Variants in SEMA6D observed in about 807,000 individuals in gnomAD.
The protein encoded by SEMA6D is semaphorin 6D, also known as semaphorin-6D.
SEMA6D carries 35 observed loss-of-function variants against 106.6 expected under a neutral mutation model. The ratio of observed to expected loss-of-function variants is 0.33; its 90% confidence interval spans 0.25 to 0.44. SEMA6D has a LOEUF of 0.44. Among genes scored for constraint, SEMA6D ranks in the 20% least tolerant of loss-of-function variants. SEMA6D has a pLI of 1.00. For missense variants in SEMA6D, 1,185 were observed against 1,345.9 expected, an observed-to-expected ratio of 0.88 and a Z score of 1.87; for synonymous variants, 499 against 487.7, an observed-to-expected ratio of 1.02 and a Z score of -0.31.
chr15:47,338,855 G>C (rs2037684245), intron 1 of SEMA6D, among the ~76,000 whole-genome samples: 1 of 152,070 alleles, frequency 6.6e-6, no homozygotes, highest in Non-Finnish European at 1.5e-5. Flanking sequence ...ATCTGTCCAA[G>C]GCAGGATTCT....
At chr15:47,297,900 A>G (rs750456414) in intron 1 of SEMA6D, among the ~76,000 whole-genome samples, 11 of 152,174 alleles carry the variant, frequency 7.2e-5, no homozygotes, top group Non-Finnish European at 7.3e-5. Context: ...GGAGGTTGGC[A>G]TGTTTCAAGG....
intron 4 of SEMA6D, among the ~76,000 whole-genome samples, chr15:47,603,637 A>G (rs1409426661): frequency 6.6e-6 from 1 of 152,114 alleles, no homozygotes; most frequent in Admixed American, 6.6e-5. Context: ...GAAGTTACAA[A>G]TGTGCGAAAA....
At chr15:47,692,752 C>T (rs184513788) in intron 4 of SEMA6D, among the ~76,000 whole-genome samples, 139 of 152,218 alleles carry the variant, frequency 9.1e-4, no homozygotes, top group Non-Finnish European at 1.1e-3. Flanking sequence ...TGCCAGTGAC[C>T]TTCTCTTTTC....
At chr15:47,614,963 G>A (rs1561042) in intron 4 of SEMA6D, among the ~76,000 whole-genome samples, 49,171 of 151,920 alleles carry the variant, frequency 0.32, 8,247 homozygotes, top group East Asian at 0.5. Context: ...TTTTATTATT[G>A]TTTCCTCCAT....
intron 1 of SEMA6D, chr15:47,185,869 A>G (rs1893530257): frequency 6.6e-6 from 1 of 152,076 alleles, no homozygotes; most frequent in Non-Finnish European, 1.5e-5. Context: ...AGGAGGATGC[A>G]TTTTGCTGGG....
chr15:47,273,109 C>A (rs1230886047), intron 1 of SEMA6D, among the ~76,000 whole-genome samples: 5 of 152,148 alleles, frequency 3.3e-5, no homozygotes, highest in African/African-American at 7.2e-5. Context: ...TGTTTCACTA[C>A]TTTGTGGCTA....
At chr15:47,729,280 ACCT>A (rs2079966199) in intron 1 of SEMA6D, among the ~76,000 whole-genome samples, 1 of 152,126 alleles carries the variant, frequency 6.6e-6, no homozygotes, top group Non-Finnish European at 1.5e-5. Context: ...ACAAACATTG[ACCT>A]CCTGATCTTC....
chr15:47,746,484 G>T (rs1267983491), intron 1 of SEMA6D, among the ~76,000 whole-genome samples: 3 of 152,154 alleles, frequency 2.0e-5, no homozygotes, highest in Non-Finnish European at 4.4e-5. Flanking sequence ...CTTTGCCAGG[G>T]TATTGTTCAT....
At chr15:47,309,778 A>G (rs572394889) in intron 1 of SEMA6D, among the ~76,000 whole-genome samples, 9 of 152,314 alleles carry the variant, frequency 5.9e-5, no homozygotes, top group East Asian at 1.9e-4. Flanking sequence ...CACAAAGTCT[A>G]TTTTATAATA....
intron 1 of SEMA6D, among the ~76,000 whole-genome samples, chr15:47,748,021 A>G (rs4774504): frequency 0.85 from 129,323 of 152,222 alleles, 55,775 homozygotes; most frequent in Middle Eastern, 0.94. Flanking sequence ...AAGTGAGCAG[A>G]AATTTCAGTG....
At chr15:47,515,252 C>T (rs1471883691) in intron 3 of SEMA6D, among the ~76,000 whole-genome samples, 6 of 152,184 alleles carry the variant, frequency 3.9e-5, no homozygotes, top group African/African-American at 7.2e-5. Flanking sequence ...TACCCAATTC[C>T]GCTTGTTAAC....
intron 3 of SEMA6D, among the ~76,000 whole-genome samples, chr15:47,551,950 G>T (rs943955603): frequency 6.6e-6 from 1 of 151,964 alleles, no homozygotes; most frequent in East Asian, 1.9e-4. Flanking sequence ...TTGACCTTAG[G>T]TATCAAGAGC....
chr15:47,287,051 T>C (rs1203710664), intron 1 of SEMA6D, among the ~76,000 whole-genome samples: 2 of 152,166 alleles, frequency 1.3e-5, no homozygotes, highest in African/African-American at 4.8e-5. Context: ...AGCAGGGCCA[T>C]GTGAGTTAGG....
chr15:47,193,968 G>T (rs902745124), intron 1 of SEMA6D, among the ~76,000 whole-genome samples: 1 of 151,994 alleles, frequency 6.6e-6, no homozygotes, highest in African/African-American at 2.4e-5. Context: ...GTGAAACAAG[G>T]ATAATGTCTG....
Position 47,771,396 on chromosome 15 carries a change from G to T in SEMA6D, c.2833G>T (p.Val945Leu). ...CCCCAGAAATAGCCCAACCAAGCGAGTGGATGTCCCCACCACTCCTGGAGT... is the reference window on the plus strand; with the variant it reads ...CCCCAGAAATAGCCCAACCAAGCGATTGGATGTCCCCACCACTCCTGGAGT... Reference protein sequence around the residue: ...TLPRNSPTKRVDVPTTPGVPM... With the variant: ...TLPRNSPTKRLDVPTTPGVPM... The change falls in exon 19 of 19, where the codon GTG becomes TTG. Residue 945 changes from valine to leucine, a missense_variant. By Grantham distance (32) the Val-to-Leu change is conservative. This residue lies in a region of SEMA6D where 750 missense variants were observed against 783.5 expected (regional missense o/e 0.96). Transcript: ENST00000536845. The T allele has an allele frequency of 1.2e-6, 2 of 1,614,086 alleles. No individual in the cohort carries two copies. The highest frequency in any genetic ancestry group is 1.7e-6 in the Non-Finnish European group (2 of 1,179,994).
chr15:47,739,409 C>A (rs981539496), intron 1 of SEMA6D, among the ~76,000 whole-genome samples: 1 of 152,168 alleles, frequency 6.6e-6, no homozygotes, highest in Non-Finnish European at 1.5e-5. Flanking sequence ...CTGACTTTTG[C>A]ACTGTGGGGA....
chr15:47,586,255 T>G (rs1390994406), intron 3 of SEMA6D, among the ~76,000 whole-genome samples: 4 of 152,206 alleles, frequency 2.6e-5, no homozygotes, highest in African/African-American at 9.7e-5. Context: ...AAACAGTGCT[T>G]AGCAGGCAAC....
intron 1 of SEMA6D, among the ~76,000 whole-genome samples, chr15:47,359,131 A>C (rs2038702947): frequency 6.6e-6 from 1 of 152,116 alleles, no homozygotes; most frequent in Admixed American, 6.5e-5. Flanking sequence ...TATAGTACCC[A>C]GCACAGTGAT....
In SEMA6D at chr15:47,359,251, A is replaced by G. The variant is rs181049221; in HGVS notation, c.-238-53142A>G. Among the ~76,000 whole-genome samples the G allele has an allele frequency of 1.0e-3, 152 of 152,292 alleles. 1 individual carries two copies. The East Asian group carries it at 0.019, about 19-fold the overall frequency. ...TTTATACATATGTGTATGTGTACAT[A>G]TGACACCCAGTTAGTACTTATTGAA... On this transcript the variant is annotated intron_variant, in intron 1 of 19. Coordinates refer to the SEMA6D transcript ENST00000558014.
Sources: gnomAD v4.1 joint callset for allele counts (sites outside exome capture counted in the v4.1 genomes callset) on GRCh38, gnomAD v4.1.1 for gene constraint, gnomAD v4.1.1 regional missense constraint, MANE v1.5 for transcripts, NCBI Gene and HGNC (gene_info 2026-07-23, HGNC 2026-07-21) for gene names.